Variants in FMC1 observed in about 807,000 individuals in gnomAD.
The protein encoded by FMC1 is protein FMC1 homolog.
FMC1 carries 6 observed loss-of-function variants against 10.5 expected under a neutral mutation model. That is an observed-to-expected ratio of 0.57 (90% CI 0.31 to 1.12). The LOEUF (loss-of-function observed/expected upper bound fraction) is 1.12. Ranked by LOEUF, FMC1 falls within the 50% of genes most tolerant of loss-of-function variation. The pLI is 0.05. For synonymous variants in FMC1, 59 were observed against 62.1 expected (o/e 0.95, Z 0.24); for missense variants, 146 against 151.7 (o/e 0.96, Z 0.20).
At chr7:139,345,402 A>C in intron 1 of FMC1, 99 bp from the exon 2 acceptor site, 1 of 1,513,474 alleles carries the variant, frequency 6.6e-7, no homozygotes, top group Non-Finnish European at 8.9e-7. Context: ...TCCTCTGTGC[A>C]ATTTACTTTC....
At chr7:139,341,802 G>C (rs1185381950) in intron 1 of FMC1, among the ~76,000 whole-genome samples, 1 of 152,184 alleles carries the variant, frequency 6.6e-6, no homozygotes, top group Admixed American at 6.5e-5. Flanking sequence ...TGGCTGGTCT[G>C]TTGCCTCTGC....
rs1231100732 is a variant in FMC1, at chr7:139,341,438, G to A, written c.54G>A (p.Leu18=). Residue 18 remains leucine (L), a synonymous_variant, in exon 1 of 2, where the codon TTG becomes TTA. Coordinates refer to ENST00000297534, the MANE Select transcript of FMC1 (RefSeq NM_197964.5). ...CTTTTCGAGGACTTCTGCGGGAGTT[G>A]CGCTACCTGAGCGCGGCCACCGGCC... is the stretch of plus-strand genomic sequence containing the variant. ...SHTFRGLLRE[L]RYLSAATGRP... is the part of the protein sequence containing the mutation. The A allele has an allele frequency of 1.9e-6, 3 of 1,613,568 alleles. No individual in the cohort carries two copies. The highest frequency in any genetic ancestry group is 2.2e-5 in the East Asian group (1 of 44,876).
At chr7:139,340,494 C>T (rs1302467974), upstream of FMC1, 2 of 398,554 alleles carry the variant, frequency 5.0e-6, no homozygotes, top group South Asian at 1.3e-4. Flanking sequence ...GTTCAACGTC[C>T]GGAGCATCGG....
At chr7:139,343,796 A>G (rs1799120068) in intron 1 of FMC1, among the ~76,000 whole-genome samples, 1 of 151,762 alleles carries the variant, frequency 6.6e-6, no homozygotes, top group South Asian at 2.1e-4. Flanking sequence ...TTAGCCGGAT[A>G]TGGTGGTGTG....
chr7:139,345,369 G>A, intron 1 of FMC1, 132 bp from the exon 2 acceptor site: 4 of 1,348,598 alleles, frequency 3.0e-6, no homozygotes, highest in Admixed American at 2.4e-5. Context: ...AAGTATACAT[G>A]TATATACATA....
intron 1 of FMC1, among the ~76,000 whole-genome samples, 196 bp downstream of exon 1, chr7:139,341,718 G>C (rs769410289): frequency 3.4e-5 from 5 of 146,076 alleles, no homozygotes; most frequent in Middle Eastern, 3.5e-3. Flanking sequence ...AGGACCAGCG[G>C]GGGGGGGCGC....
chr7:139,341,812 C>G (rs766790260), intron 1 of FMC1, among the ~76,000 whole-genome samples: 1 of 152,036 alleles, frequency 6.6e-6, no homozygotes, highest in Non-Finnish European at 1.5e-5. Flanking sequence ...GTTGCCTCTG[C>G]GGAGGGCAGT....
At position 139,345,671 on chromosome 7, in the gene FMC1, C is replaced by G; in HGVS notation, c.309C>G (p.Pro103=). ...ESAGLVGLKL[P]HQPGGKGWEP ...CTGGCTTGGTGGGTCTCAAGTTGCCCCATCAGCCTGGAGGGAAGGGCTGGG... is the reference window on the plus strand; with the variant it reads ...CTGGCTTGGTGGGTCTCAAGTTGCCGCATCAGCCTGGAGGGAAGGGCTGGG... Residue 103 remains proline (P), a synonymous_variant, in exon 2 of 2, where the codon CCC becomes CCG. Coordinates refer to ENST00000297534, the MANE Select transcript of FMC1 (RefSeq NM_197964.5). 1 of 1,614,108 alleles carries G rather than the reference C, an allele frequency of 6.2e-7. No individual in the cohort carries two copies. The highest frequency in any genetic ancestry group is 8.5e-7 in the Non-Finnish European group (1 of 1,180,026).
chr7:139,341,628 A>C lies in FMC1; in HGVS notation c.138+106A>C, dbSNP rs1798972557. ...GTTTAATTCCTGCATTTCTGAGGCC[A>C]ACCCTCCCACGGAGCCCTGGTTCTG... On this transcript the variant is annotated intron_variant, in intron 1 of 1. Coordinates refer to ENST00000297534, the MANE Select transcript of FMC1 (RefSeq NM_197964.5). The C allele has an allele frequency of 2.7e-6, 4 of 1,501,330 alleles. No homozygotes were observed. The East Asian group carries it at 9.5e-5, about 36-fold the overall frequency. The allele number at this position is 1,501,330 out of a possible 1,614,324, so 93.0% of individuals were successfully genotyped here. A position where few individuals can be genotyped will look rare whatever the true frequency, so the allele number is the denominator to read the frequency against.
intron 1 of FMC1, among the ~76,000 whole-genome samples, chr7:139,342,307 A>G (rs1799022474): frequency 6.6e-6 from 1 of 152,148 alleles, no homozygotes; most frequent in South Asian, 2.1e-4. Context: ...TAGTTAGGGA[A>G]GGTTTTCCGG....
chr7:139,341,105 C>A, upstream of FMC1: 1 of 342,820 alleles, frequency 2.9e-6, no homozygotes, highest in Non-Finnish European at 5.1e-6. Flanking sequence ...TCTTCAATGA[C>A]GCAGTGAAGA....
rs989000349 is a variant in FMC1, at chr7:139,346,299, C to T, written c.*595C>T. The T allele has an allele frequency of 2.0e-5, 3 of 151,434 alleles. No individual in the cohort carries two copies. The highest frequency in any genetic ancestry group is 6.6e-5 in the Admixed American group (1 of 15,180). 9.4% of individuals were successfully genotyped at this position (151,434 alleles called of 1,614,324 possible). A position where few individuals can be genotyped will look rare whatever the true frequency, so the allele number is the denominator to read the frequency against. ...GTTTAAGGAATTCAAATGTTATAAA[C>T]ATAAAATAAAAGAAACCCTCTTTTC... On this transcript the variant is annotated 3_prime_UTR_variant, in exon 2 of 2. Transcript: ENST00000297534.
Position 139,341,452 on chromosome 7 carries a change from C to T in FMC1, c.68C>T (p.Ala23Val), listed in dbSNP as rs759231210. ...CTGCGGGAGTTGCGCTACCTGAGCG[C>T]GGCCACCGGCCGACCCTATCGCGAC... ...GLLRELRYLS[A>V]ATGRPYRDTA... Residue 23 changes from alanine to valine, a missense_variant, in exon 1 of 2, where the codon GCG (alanine) becomes GTG (valine). Coordinates refer to ENST00000297534, the MANE Select transcript of FMC1 (RefSeq NM_197964.5). 6.2e-7 allele frequency: 1 copy of T among 1,613,616 alleles called. No homozygotes were observed. The highest frequency in any genetic ancestry group is 1.7e-5 in the Admixed American group (1 of 60,026).
chr7:139,343,664 G>T (rs1799112505), intron 1 of FMC1, among the ~76,000 whole-genome samples: 1 of 152,164 alleles, frequency 6.6e-6, no homozygotes, highest in Admixed American at 6.5e-5. Context: ...GCCAGGAGCG[G>T]TGGCTCACAC....
rs1240585872 is a variant in FMC1, at chr7:139,345,480, T to G, written c.139-21T>G. 3.4e-5 allele frequency: 55 copies of G among 1,613,890 alleles called. No individual in the cohort carries two copies. The Middle Eastern group carries it at 6.6e-4, about 19-fold the overall frequency. On this transcript the variant is annotated intron_variant, in intron 1 of 1. Transcript: ENST00000297534. Reference sequence around the variant, plus strand: ...TGTATCTCTAGCTGGGTTAAGAATTTCTGACTTGCTGCTTCTCTAGGTCAC... The same window carrying G: ...TGTATCTCTAGCTGGGTTAAGAATTGCTGACTTGCTGCTTCTCTAGGTCAC...
At chr7:139,340,707 T>G, upstream of FMC1, 1 of 389,468 alleles carries the variant, frequency 2.6e-6, no homozygotes, top group Non-Finnish European at 4.5e-6. Context: ...GAAGCCCCAG[T>G]GGCCTAATGG....
In FMC1 at chr7:139,341,409, C is replaced by A; in HGVS notation, c.25C>A (p.His9Asn). 6.2e-7 allele frequency: 1 copy of A among 1,613,444 alleles called. No individual in the cohort carries two copies. The highest frequency in any genetic ancestry group is 8.5e-7 in the Non-Finnish European group (1 of 1,179,952). ...AATGGCGGCCTTAGGGTCCCCGTCG[C>A]ACACTTTTCGAGGACTTCTGCGGGA... MAALGSPS[H>N]TFRGLLRELR... is the part of the protein sequence containing the mutation. The change falls in exon 1 of 2, where the codon CAC (histidine) becomes AAC (asparagine). Residue 9 changes from histidine to asparagine, a missense_variant. Coordinates refer to ENST00000297534, the MANE Select transcript of FMC1 (RefSeq NM_197964.5).
chr7:139,340,719 T>C (rs1798897417), upstream of FMC1: 1 of 387,084 alleles, frequency 2.6e-6, no homozygotes, highest in Non-Finnish European at 4.6e-6. Flanking sequence ...GCCTAATGGA[T>C]AAGGCATTGG....
At chr7:139,343,039 C>A (rs1040694250) in intron 1 of FMC1, among the ~76,000 whole-genome samples, 1 of 152,190 alleles carries the variant, frequency 6.6e-6, no homozygotes, top group Non-Finnish European at 1.5e-5. Flanking sequence ...ATACAGTGTT[C>A]TATTTCATTT....
Sources: gnomAD v4.1 joint callset for allele counts (sites outside exome capture counted in the v4.1 genomes callset) on GRCh38, gnomAD v4.1.1 for gene constraint, MANE v1.5 for transcripts, NCBI Gene and HGNC (gene_info 2026-07-23, HGNC 2026-07-21) for gene names.